The following CTNNA2 variants were observed in gnomAD, a reference collection of about 807,000 sequenced individuals.
The protein encoded by CTNNA2 is catenin alpha 2, also known as catenin alpha-2.
Under a neutral mutation model 101.0 loss-of-function variants are expected in CTNNA2, and 42 were observed. The observed-to-expected ratio is 0.42, with a 90% confidence interval of 0.32 to 0.54. The LOEUF (loss-of-function observed/expected upper bound fraction) is 0.54. Ranked by LOEUF, CTNNA2 falls within the 20% of genes least tolerant of loss-of-function variation. The probability of loss-of-function intolerance (pLI) is 0.14; values close to 1 mark genes in which losing one functional copy is unlikely to be tolerated. For synonymous variants in CTNNA2, 450 were observed against 456.4 expected (o/e 0.99, Z 0.18); for missense variants, 871 against 1,223.1 (o/e 0.71, Z 4.29).
At chr2:79,801,575 AG>A (rs1676158241) in intron 3 of CTNNA2, among the ~76,000 whole-genome samples, 1 of 119,554 alleles carries the variant, frequency 8.4e-6, no homozygotes, top group Non-Finnish European at 1.6e-5. Flanking sequence ...CAGCAGTAGC[AG>A]TGCATACGGG....
chr2:80,304,014 C>T (rs1414568530), intron 7 of CTNNA2: 19 of 546,336 alleles, frequency 3.5e-5, no homozygotes, highest in Non-Finnish European at 5.7e-5. Context: ...ATGCAGAAAG[C>T]TGGGCAGCAT....
chr2:80,648,044 C>T lies in CTNNA2; in HGVS notation c.*172C>T, dbSNP rs377148303. 1.5e-4 allele frequency: 85 copies of T among 578,076 alleles called. No homozygotes were observed. The East Asian group carries it at 2.0e-3, about 14-fold the overall frequency. 35.8% of individuals were successfully genotyped at this position (578,076 alleles called of 1,614,324 possible). The stretch of plus-strand genomic sequence containing the variant: ...GATGAGATCAATACTACTGATCCAT[C>T]TGTAGCCTGGGAAGGAGACAGGACA... On this transcript the variant is annotated 3_prime_UTR_variant, in exon 19 of 19. Transcript: ENST00000402739.
intron 3 of CTNNA2, 130 bp from the exon 4 acceptor site, chr2:79,857,883 G>T: frequency 4.3e-6 from 4 of 924,028 alleles, no homozygotes; most frequent in Non-Finnish European, 6.7e-6. Context: ...CTGCAATAGA[G>T]GTGGCAGAAA....
At chr2:80,384,714 A>G (rs990047098) in intron 7 of CTNNA2, among the ~76,000 whole-genome samples, 4 of 151,854 alleles carry the variant, frequency 2.6e-5, no homozygotes, top group East Asian at 1.9e-4. Context: ...GAAATACGAT[A>G]TTAAGATTTA....
At chr2:80,071,357 C>T (rs1238398490) in intron 7 of CTNNA2, among the ~76,000 whole-genome samples, 1 of 152,218 alleles carries the variant, frequency 6.6e-6, no homozygotes, top group East Asian at 1.9e-4. Flanking sequence ...TAGCATCCCG[C>T]TCTGTTGAAT....
intron 4 of CTNNA2, among the ~76,000 whole-genome samples, chr2:79,427,817 G>C (rs1197700251): frequency 6.6e-6 from 1 of 151,936 alleles, no homozygotes; most frequent in Admixed American, 6.6e-5. Flanking sequence ...AATGGAACCT[G>C]TTCTAGAATT....
chr2:80,419,340 G>T, intron 8 of CTNNA2, 109 bp from the exon 9 acceptor site: 1 of 810,834 alleles, frequency 1.2e-6, no homozygotes, highest in Non-Finnish European at 1.9e-6. Context: ...AAGAAAATAG[G>T]AATATTATCT....
intron 2 of CTNNA2, among the ~76,000 whole-genome samples, chr2:79,724,514 C>T (rs1686690834): frequency 2.0e-5 from 3 of 151,854 alleles, no homozygotes; most frequent in African/African-American, 7.3e-5. Flanking sequence ...TCAATGCTAG[C>T]GCCACTTTAA....
intron 2 of CTNNA2, among the ~76,000 whole-genome samples, chr2:79,204,330 G>A (rs576081653): frequency 6.6e-6 from 1 of 152,236 alleles, no homozygotes; most frequent in East Asian, 1.9e-4. Flanking sequence ...TTATGCTCTG[G>A]CAAGTCTTTC....
chr2:79,736,263 A>G (rs1045030078), intron 2 of CTNNA2, among the ~76,000 whole-genome samples: 2 of 152,258 alleles, frequency 1.3e-5, no homozygotes, highest in Admixed American at 6.5e-5. Flanking sequence ...CTAATAGAGT[A>G]TACCAGAAGG....
At chr2:80,588,524 G>C in intron 14 of CTNNA2, among the ~76,000 whole-genome samples, 1 of 152,184 alleles carries the variant, frequency 6.6e-6, no homozygotes, top group East Asian at 1.9e-4. Context: ...GTATATTTTA[G>C]AGAGTAGGCA....
intron 7 of CTNNA2, among the ~76,000 whole-genome samples, chr2:80,250,069 C>T (rs376975649): frequency 1.3e-5 from 2 of 152,188 alleles, no homozygotes; most frequent in Admixed American, 6.5e-5. Context: ...TTCTTTGCCT[C>T]GCCCCCTTTC....
At chr2:80,472,631 A>C (rs561386436) in intron 9 of CTNNA2, among the ~76,000 whole-genome samples, 2 of 152,286 alleles carry the variant, frequency 1.3e-5, no homozygotes, top group South Asian at 4.1e-4. Context: ...GGATTCCCAC[A>C]ACTCTTGGAG....
In CTNNA2 at chr2:79,997,592, TC is replaced by T. The variant is rs200386591; in HGVS notation, c.1056+87800del. On this transcript the variant is annotated intron_variant, in intron 7 of 18. Transcript: ENST00000402739. ...ATGCTTTCTTGTCACAGATTTCTTTTCCCCCAACTTTGTGTGTTCTCAATTT... is the reference window on the plus strand; with the variant it reads ...ATGCTTTCTTGTCACAGATTTCTTTTCCCCAACTTTGTGTGTTCTCAATTT... Among the ~76,000 whole-genome samples, 1,521 of 152,162 alleles carry T rather than the reference TC, an allele frequency of 1.0e-2. 17 individuals are homozygous for T. Among genetic ancestry groups the T allele is most frequent in the African/African-American group, 0.033 (1,385 of 41,516 alleles).
intron 4 of CTNNA2, among the ~76,000 whole-genome samples, chr2:79,379,972 C>T (rs945594339): frequency 2.0e-5 from 3 of 152,126 alleles, no homozygotes; most frequent in Non-Finnish European, 4.4e-5. Flanking sequence ...TACAGGTCCC[C>T]AGAACCCCCA....
intron 7 of CTNNA2, among the ~76,000 whole-genome samples, chr2:80,331,035 T>C (rs976413241): frequency 6.6e-6 from 1 of 151,884 alleles, no homozygotes; most frequent in Non-Finnish European, 1.5e-5. Context: ...TTTTTTTTTT[T>C]TTTTCCTTCC....
intron 3 of CTNNA2, among the ~76,000 whole-genome samples, chr2:79,808,744 G>A (rs1327618256): frequency 6.6e-6 from 1 of 151,770 alleles, no homozygotes; most frequent in African/African-American, 2.4e-5. Flanking sequence ...AGGCAAATTT[G>A]GGGTCAAGGT....
intron 4 of CTNNA2, among the ~76,000 whole-genome samples, chr2:79,436,756 C>T (rs577943216): frequency 3.9e-5 from 6 of 152,104 alleles, no homozygotes; most frequent in African/African-American, 9.6e-5. Context: ...CTCAGCCTCC[C>T]GAGTATCTGG....
At chr2:79,820,779 A>G (rs182901335) in intron 3 of CTNNA2, among the ~76,000 whole-genome samples, 2 of 152,306 alleles carry the variant, frequency 1.3e-5, no homozygotes, top group East Asian at 3.9e-4. Flanking sequence ...GCTTGGAAAT[A>G]TTGATGCTTA....
Sources: gnomAD v4.1 joint callset for allele counts (sites outside exome capture counted in the v4.1 genomes callset) on GRCh38, gnomAD v4.1.1 for gene constraint, MANE v1.5 for transcripts, NCBI Gene and HGNC (gene_info 2026-07-23, HGNC 2026-07-21) for gene names.